TRAPPC6A: variants seen among roughly 807,000 people sequenced by gnomAD.
The protein encoded by TRAPPC6A is TRAPP complex subunit 6A.
A neutral mutation model predicts 20.8 loss-of-function variants in TRAPPC6A; 25 were observed. The ratio of observed to expected loss-of-function variants is 1.20; its 90% CI spans 0.88 to 1.68. The LOEUF (loss-of-function observed/expected upper bound fraction) is 1.68, where lower values mean the gene tolerates loss of function less well. Ranked by LOEUF, TRAPPC6A falls within the 40% of genes most tolerant of loss-of-function variation. The pLI is 0.00. For missense variants in TRAPPC6A, 215 were observed against 211.6 expected (o/e 1.02, Z -0.10); for synonymous variants, 96 against 93.3 (o/e 1.03, Z -0.16).
At chr19:45,167,942 G>A (rs900056082) in intron 1 of TRAPPC6A, among the ~76,000 whole-genome samples, 8 of 151,772 alleles carry the variant, frequency 5.3e-5, no homozygotes, top group African/African-American at 1.9e-4. Flanking sequence ...CTACTGCAGT[G>A]AGCCATGATC....
chr19:45,168,159 C>T (rs1039872209), intron 1 of TRAPPC6A, among the ~76,000 whole-genome samples: 6 of 152,008 alleles, frequency 3.9e-5, no homozygotes, highest in East Asian at 3.9e-4. Context: ...CCCGCCACCA[C>T]GCCCAGCTAA....
rs1163823846 is a variant in TRAPPC6A, at chr19:45,173,338, T to C, written c.84+4797A>G. 4.6e-5 allele frequency among the ~76,000 whole-genome samples: 7 copies of C among 151,398 alleles called. No homozygotes were observed. Among genetic ancestry groups the C allele is most frequent in the Non-Finnish European group, 8.8e-5 (6 of 67,872 alleles). On this transcript the variant is annotated intron_variant, in intron 1 of 5. Coordinates refer to ENST00000585934, the MANE Select transcript of TRAPPC6A (RefSeq NM_001270891.2). This position sits in a 1 kb window ranked among gnomAD's most constrained non-coding sequence, Gnocchi z 4.8. ...CAAATAACCACCGTACCAGGCAGGA[T>C]AGGAGGTCACAAAAGCCCTACACAC...
In TRAPPC6A at chr19:45,163,873, A is replaced by C; in HGVS notation, c.448+43T>G. On this transcript the variant is annotated intron_variant, in intron 5 of 5. Coordinates refer to ENST00000585934, the MANE Select transcript of TRAPPC6A (RefSeq NM_001270891.2). The surrounding 1 kb of genome is among the most constrained non-coding windows in gnomAD (Gnocchi z 5.3). Reference sequence around the variant, plus strand: ...GGGCTGGAACTCTGAAGCCCCCAGCAACTCAAGGGATGAGAAGAATCCCCC... The same window carrying C: ...GGGCTGGAACTCTGAAGCCCCCAGCCACTCAAGGGATGAGAAGAATCCCCC... The C allele has an allele frequency of 6.7e-7, 1 of 1,496,620 alleles. No homozygotes were observed. The highest frequency in any genetic ancestry group is 9.1e-7 in the Non-Finnish European group (1 of 1,097,646). 92.7% of individuals were successfully genotyped at this position (1,496,620 alleles called of 1,614,324 possible).
chr19:45,171,802 AG>A (rs1387663155), intron 1 of TRAPPC6A, among the ~76,000 whole-genome samples: 2 of 152,240 alleles, frequency 1.3e-5, no homozygotes, highest in Non-Finnish European at 2.9e-5. Flanking sequence ...CCTGAGCTAA[AG>A]GAAGATTCAC....
intron 1 of TRAPPC6A, among the ~76,000 whole-genome samples, chr19:45,174,556 C>T (rs748899874): frequency 7.2e-5 from 11 of 152,142 alleles, no homozygotes; most frequent in Admixed American, 2.0e-4. Context: ...GGCGTGCTGG[C>T]TCACACCTGT....
chr19:45,163,830 G>T lies in TRAPPC6A; in HGVS notation c.448+86C>A. On this transcript the variant is annotated intron_variant, in intron 5 of 5. Transcript: ENST00000585934. This position sits in a 1 kb window ranked among gnomAD's most constrained non-coding sequence, Gnocchi z 5.3. ...GACTTAAAACTGGGCCTGCCTCCCA[G>T]GCACACACACAGGAGTGGGGCTGGA... 1 of 1,240,424 alleles carries T rather than the reference G, an allele frequency of 8.1e-7. No individual in the cohort carries two copies. The highest frequency in any genetic ancestry group is 1.1e-6 in the Non-Finnish European group (1 of 877,576). 76.8% of individuals were successfully genotyped at this position (1,240,424 alleles called of 1,614,324 possible).
chr19:45,174,569 T>TC (rs1289392585), intron 1 of TRAPPC6A, among the ~76,000 whole-genome samples: 2 of 152,150 alleles, frequency 1.3e-5, no homozygotes, highest in South Asian at 4.2e-4. Flanking sequence ...ACACCTGTAA[T>TC]CCCAGGTGTG....
rs777087241 is a variant in TRAPPC6A, at chr19:45,165,121, G to C, written c.152+6C>G. On this transcript the variant is annotated splice_donor_region_variant and intron_variant, in intron 2 of 5. Coordinates refer to ENST00000585934, the MANE Select transcript of TRAPPC6A (RefSeq NM_001270891.2). Reference sequence around the variant, plus strand: ...GCTGGGGGAGAGCAGGAGGGGCCGCGCTCACCTCTCGCCTAGAGCCTGGCC... The same window carrying C: ...GCTGGGGGAGAGCAGGAGGGGCCGCCCTCACCTCTCGCCTAGAGCCTGGCC... The C allele has an allele frequency of 4.3e-6, 7 of 1,612,002 alleles. No homozygotes were observed. In the African/African-American group the frequency reaches 9.4e-5, roughly 22 times the overall value.
intron 1 of TRAPPC6A, 117 bp from the exon 2 acceptor site, chr19:45,165,311 G>T: frequency 2.0e-6 from 2 of 988,514 alleles, no homozygotes; most frequent in Non-Finnish European, 3.1e-6. Context: ...GTCAGTTCAG[G>T]GGTGAGCAGG....
At chr19:45,165,042 G>T in intron 2 of TRAPPC6A, 72 bp from the exon 3 acceptor site, 1 of 1,608,604 alleles carries the variant, frequency 6.2e-7, no homozygotes. Context: ...CCCGACTCCT[G>T]CATGGAGCAA....
At chr19:45,166,292 C>T (rs1192634880) in intron 1 of TRAPPC6A, among the ~76,000 whole-genome samples, 3 of 151,700 alleles carry the variant, frequency 2.0e-5, no homozygotes, top group African/African-American at 4.9e-5. Context: ...CTGCAACCTC[C>T]GCCTCCCGGG....
At chr19:45,176,869 TA>T (rs563420112) in intron 1 of TRAPPC6A, among the ~76,000 whole-genome samples, 316 of 125,278 alleles carry the variant, frequency 2.5e-3, no homozygotes, top group Middle Eastern at 8.5e-3. Context: ...CCGTATCTAC[TA>T]AAAAAAAAAA....
Position 45,163,028 on chromosome 19 carries a change from G to T in TRAPPC6A, c.*164C>A. 2 of 724,570 alleles carry T rather than the reference G, an allele frequency of 2.8e-6. No individual in the cohort carries two copies. Among genetic ancestry groups the T allele is most frequent in the Non-Finnish European group, 4.4e-6 (2 of 451,482 alleles). The allele number at this position is 724,570 out of a possible 1,614,324, so 44.9% of individuals were successfully genotyped here. A position where few individuals can be genotyped will look rare whatever the true frequency, so the allele number is the denominator to read the frequency against. On this transcript the variant is annotated 3_prime_UTR_variant, in exon 6 of 6. Transcript: ENST00000585934. This position sits in a 1 kb window ranked among gnomAD's most constrained non-coding sequence, Gnocchi z 5.3. The stretch of plus-strand genomic sequence containing the variant: ...TCCTGACCGCAGCTGGGACCCCTTT[G>T]CCTCCTCTGACACCCCCACCTCAAT...
chr19:45,164,255 A>G lies in TRAPPC6A; in HGVS notation c.271-8T>C, dbSNP rs1167544608. The G allele has an allele frequency of 1.9e-6, 3 of 1,588,382 alleles. No individual in the cohort carries two copies. Among genetic ancestry groups the G allele is most frequent in the African/African-American group, 2.8e-5 (2 of 72,558 alleles). ...TTGCAGGACGTAGGTCCCCTGGGGG[A>G]GAGGAGAGGCTGGTGGGTGGGGTCG... On this transcript the variant is annotated splice_polypyrimidine_tract_variant and splice_region_variant and intron_variant, in intron 3 of 5. Transcript: ENST00000585934.
chr19:45,175,991 G>C (rs1382783825), intron 1 of TRAPPC6A, among the ~76,000 whole-genome samples: 1 of 152,074 alleles, frequency 6.6e-6, no homozygotes, highest in Non-Finnish European at 1.5e-5. Context: ...GGTTCACTGA[G>C]TAATCCCCAT....
chr19:45,175,143 C>A (rs1224284999), intron 1 of TRAPPC6A, among the ~76,000 whole-genome samples: 1 of 151,640 alleles, frequency 6.6e-6, no homozygotes. Flanking sequence ...CACCTGTAGT[C>A]CCAGCTACTC....
At position 45,173,779 on chromosome 19, in the gene TRAPPC6A, C is replaced by G. The variant is rs1346694215; in HGVS notation, c.84+4356G>C. Reference sequence around the variant, plus strand: ...AGGCCCCCTGAAAAACGGGGCTCCCCAGGAGGAAGGAGTGAGGGGAAACGA... The same window carrying G: ...AGGCCCCCTGAAAAACGGGGCTCCCGAGGAGGAAGGAGTGAGGGGAAACGA... On this transcript the variant is annotated intron_variant, in intron 1 of 5. Transcript: ENST00000585934. The surrounding 1 kb of genome is among the most constrained non-coding windows in gnomAD (Gnocchi z 4.8). Among the ~76,000 whole-genome samples the G allele has an allele frequency of 1.3e-5, 2 of 152,150 alleles. No individual in the cohort carries two copies. Among genetic ancestry groups the G allele is most frequent in the Non-Finnish European group, 2.9e-5 (2 of 68,016 alleles).
At chr19:45,168,588 C>T (rs1307866540) in intron 1 of TRAPPC6A, among the ~76,000 whole-genome samples, 2 of 152,250 alleles carry the variant, frequency 1.3e-5, no homozygotes, top group African/African-American at 4.8e-5. Context: ...CCCACAACCA[C>T]CACCCAGACA....
In TRAPPC6A at chr19:45,178,208, G is replaced by A. The variant is rs1467574847; in HGVS notation, c.11C>T (p.Thr4Ile). 1 of 1,605,536 alleles carries A rather than the reference G, an allele frequency of 6.2e-7. No individual in the cohort carries two copies. Among genetic ancestry groups the A allele is most frequent in the Admixed American group, 1.7e-5 (1 of 59,448 alleles). Residue 4 changes from threonine (T) to isoleucine (I), a missense_variant, in exon 1 of 6, where the codon ACT (threonine) becomes ATT (isoleucine). Transcript: ENST00000585934. MADTVLFEFLHTEM... is the reference protein window; with the variant it reads MADIVLFEFLHTEM... ...CGTGTGAAGAAACTCAAACAACACA[G>A]TATCCGCCATGCCCCCTCCTCGCAC... is the stretch of plus-strand genomic sequence containing the variant.
Sources: allele counts gnomAD v4.1 joint callset (sites outside exome capture counted in the v4.1 genomes callset), GRCh38; gene constraint gnomAD v4.1.1; non-coding constraint Gnocchi (gnomAD v3.1); transcripts MANE v1.5; gene names NCBI Gene and HGNC (gene_info 2026-07-23, HGNC 2026-07-21).